TJP1: variants seen among roughly 807,000 people sequenced by gnomAD.
TJP1 encodes tight junction protein 1.
TJP1 carries 43 observed loss-of-function variants against 194.2 expected under a neutral mutation model. The observed-to-expected ratio is 0.22, with a 90% CI of 0.17 to 0.29. TJP1 has a LOEUF of 0.29. Among genes scored for constraint, TJP1 ranks in the 10% least tolerant of loss-of-function variants. TJP1 has a pLI of 1.00. For missense variants in TJP1, 1,971 were observed against 2,185.7 expected (o/e 0.90, Z 1.96); for synonymous variants, 801 against 779.0 (o/e 1.03, Z -0.47).
chr15:29,952,529 C>T (rs1055752781), intron 2 of TJP1, among the ~76,000 whole-genome samples: 1 of 152,066 alleles, frequency 6.6e-6, no homozygotes, highest in African/African-American at 2.4e-5. Flanking sequence ...GGCCTCTCAG[C>T]CAGAAACTGG....
intron 2 of TJP1, among the ~76,000 whole-genome samples, chr15:29,838,610 G>A (rs1175297217): frequency 2.1e-5 from 1 of 47,310 alleles, no homozygotes; most frequent in Non-Finnish European, 5.6e-5. Context: ...TACTCTGTGT[G>A]TCTGTGTGTG....
chr15:29,784,524 G>A (rs945892920), intron 2 of TJP1, among the ~76,000 whole-genome samples: 1 of 151,860 alleles, frequency 6.6e-6, no homozygotes, highest in Admixed American at 6.6e-5. Context: ...GGCTTGTCTC[G>A]AACTCCTGAC....
At chr15:29,901,176 G>C (rs992934485) in intron 2 of TJP1, among the ~76,000 whole-genome samples, 5 of 152,176 alleles carry the variant, frequency 3.3e-5, no homozygotes, top group Non-Finnish European at 5.9e-5. Context: ...GCTACTGAAT[G>C]ATGATCACTT....
chr15:29,941,256 G>A (rs571823726), intron 2 of TJP1, among the ~76,000 whole-genome samples: 103 of 152,188 alleles, frequency 6.8e-4, no homozygotes, highest in African/African-American at 2.2e-3. Flanking sequence ...TCCCCTGTTC[G>A]CTTCTTCAGC....
chr15:29,782,894 C>A (rs1490979709), intron 2 of TJP1, among the ~76,000 whole-genome samples: 227 of 80,410 alleles, frequency 2.8e-3, no homozygotes, highest in Middle Eastern at 6.0e-3. Context: ...AGACACTTTT[C>A]AAAAAAAAAA....
intron 23 of TJP1, among the ~76,000 whole-genome samples, chr15:29,714,923 CCTT>C (rs1205039809): frequency 6.6e-6 from 1 of 152,126 alleles, no homozygotes; most frequent in African/African-American, 2.4e-5. Context: ...AACACCTGAG[CCTT>C]CTTCTGACAG....
intron 1 of TJP1, 49 bp from the exon 2 acceptor site, chr15:29,800,751 C>T (rs967695965): frequency 6.3e-7 from 1 of 1,579,498 alleles, no homozygotes; most frequent in Non-Finnish European, 8.7e-7. Context: ...AGAAAATGTC[C>T]TTAATAAGGT....
chr15:29,957,291 A>C (rs889074605), intron 1 of TJP1, among the ~76,000 whole-genome samples: 1 of 152,228 alleles, frequency 6.6e-6, no homozygotes, highest in African/African-American at 2.4e-5. Flanking sequence ...ATATGGCTAC[A>C]GTTTAGAATA....
chr15:29,856,676 A>C (rs1290740604), intron 2 of TJP1, among the ~76,000 whole-genome samples: 1 of 152,116 alleles, frequency 6.6e-6, no homozygotes, highest in African/African-American at 2.4e-5. Flanking sequence ...TATTTCTTAA[A>C]AAAATATGTG....
At chr15:29,876,659 C>G (rs2052712727) in intron 2 of TJP1, among the ~76,000 whole-genome samples, 2 of 152,162 alleles carry the variant, frequency 1.3e-5, no homozygotes, top group African/African-American at 4.8e-5. Flanking sequence ...CATCCCTGCT[C>G]TACATGATGC....
chr15:29,789,913 T>C (rs1794832650), intron 2 of TJP1, among the ~76,000 whole-genome samples: 1 of 152,204 alleles, frequency 6.6e-6, no homozygotes. Flanking sequence ...TAGCCCTCCA[T>C]TTCAAACTGA....
chr15:29,773,502 A>G, intron 2 of TJP1, 145 bp from the exon 3 acceptor site: 2 of 735,374 alleles, frequency 2.7e-6, no homozygotes, highest in South Asian at 4.0e-5. Flanking sequence ...ATGGTTACCT[A>G]TTAGAATTAT....
At chr15:29,741,539 G>A (rs2044420175) in intron 9 of TJP1, 103 bp from the exon 10 acceptor site, 3 of 726,928 alleles carry the variant, frequency 4.1e-6, no homozygotes, top group Admixed American at 5.3e-5. Flanking sequence ...AACCTGATGA[G>A]GAACATATCT....
chr15:29,808,212 G>C (rs987754190), intron 1 of TJP1, among the ~76,000 whole-genome samples: 1 of 152,164 alleles, frequency 6.6e-6, no homozygotes, highest in Admixed American at 6.5e-5. Flanking sequence ...AGTTTGCAGT[G>C]AGCCGAGATT....
chr15:29,898,914 T>C (rs181993739), intron 2 of TJP1, among the ~76,000 whole-genome samples: 440 of 152,344 alleles, frequency 2.9e-3, no homozygotes, highest in Non-Finnish European at 5.1e-3. Context: ...ACATAGGTTA[T>C]AGATAACAGA....
intron 20 of TJP1, 82 bp from the exon 21 acceptor site, chr15:29,719,220 C>CA: frequency 2.2e-6 from 3 of 1,340,114 alleles, no homozygotes; most frequent in Non-Finnish European, 3.0e-6. Context: ...AAATATTAAA[C>CA]TACGATTTAA....
intron 1 of TJP1, among the ~76,000 whole-genome samples, chr15:29,812,264 C>T (rs2049575590): frequency 6.6e-6 from 1 of 152,152 alleles, no homozygotes; most frequent in Non-Finnish European, 1.5e-5. Flanking sequence ...GGTGTTTACA[C>T]GGGTGTTCAC....
intron 2 of TJP1, among the ~76,000 whole-genome samples, chr15:29,933,463 CAAG>C (rs1247076646): frequency 6.6e-6 from 1 of 152,032 alleles, no homozygotes; most frequent in African/African-American, 2.4e-5. Flanking sequence ...GGAAGAATGT[CAAG>C]AAGAAGATAA....
chr15:29,835,761 T>A lies in TJP1; in HGVS notation c.307-35059A>T, dbSNP rs545863085. Among the ~76,000 whole-genome samples the A allele has an allele frequency of 4.2e-4, 64 of 152,308 alleles. 2 individuals are homozygous for A. Among genetic ancestry groups the A allele is most frequent in the South Asian group, 3.5e-3 (17 of 4,820 alleles). On this transcript the variant is annotated intron_variant, in intron 2 of 28. Coordinates refer to the TJP1 transcript ENST00000356107. Reference sequence around the variant, plus strand: ...AGATTTCAAATCTGTATTCTCTAAATCCTTTTGAGAGAGTCTCCACAATTA... The same window carrying A: ...AGATTTCAAATCTGTATTCTCTAAAACCTTTTGAGAGAGTCTCCACAATTA...
Sources: allele counts gnomAD v4.1 joint callset (sites outside exome capture counted in the v4.1 genomes callset), GRCh38; gene constraint gnomAD v4.1.1; transcripts MANE v1.5; gene names NCBI Gene and HGNC (gene_info 2026-07-23, HGNC 2026-07-21).